Variants in RUNX2 observed in about 807,000 individuals in gnomAD.
RUNX2 encodes runt-related transcription factor 2.
Under a neutral mutation model 51.7 loss-of-function variants are expected in RUNX2, and 10 were observed. The ratio of observed to expected loss-of-function variants is 0.19; its 90% confidence interval spans 0.12 to 0.33. The LOEUF is 0.33. Among genes scored for constraint, RUNX2 ranks in the 10% least tolerant of loss-of-function variants. RUNX2 has a pLI of 1.00. For synonymous variants in RUNX2, 276 were observed against 273.6 expected (o/e 1.01, Z -0.09); for missense variants, 562 against 691.3 (o/e 0.81, Z 2.10).
At chr6:45,493,303 T>C (rs2150408381) in intron 6 of RUNX2, among the ~76,000 whole-genome samples, 1 of 152,272 alleles carries the variant, frequency 6.6e-6, no homozygotes, top group South Asian at 2.1e-4. Context: ...ACATTATTGC[T>C]CTTTGAAGAA....
In RUNX2 at chr6:45,393,290, AG is replaced by A. The variant is rs556008191; in HGVS notation, c.59-29301del. ...AGTCAAGTATGGTGTATTGGGTAAA[AG>A]GAACTGAGGTAGATAGGCCCTCACT... On this transcript the variant is annotated intron_variant, in intron 2 of 8. Coordinates refer to ENST00000647337, the MANE Select transcript of RUNX2 (RefSeq NM_001024630.4). Among the ~76,000 whole-genome samples, 35 of 152,296 alleles carry A rather than the reference AG, an allele frequency of 2.3e-4. No individual in the cohort carries two copies. In the East Asian group the frequency reaches 6.2e-3, roughly 27 times the overall value.
intron 5 of RUNX2, among the ~76,000 whole-genome samples, chr6:45,472,710 C>T (rs1799841355): frequency 6.6e-6 from 1 of 152,122 alleles, no homozygotes; most frequent in Admixed American, 6.5e-5. Flanking sequence ...CTCTGTCTCT[C>T]TCTTTTAAAG....
At chr6:45,406,228 A>T (rs989164319) in intron 2 of RUNX2, among the ~76,000 whole-genome samples, 1 of 151,878 alleles carries the variant, frequency 6.6e-6, no homozygotes, top group Non-Finnish European at 1.5e-5. Context: ...TACCCCTATG[A>T]TAAGGGAACT....
At chr6:45,532,281 G>A (rs927446768) in intron 7 of RUNX2, among the ~76,000 whole-genome samples, 1 of 145,884 alleles carries the variant, frequency 6.9e-6, no homozygotes, top group African/African-American at 2.5e-5. Context: ...AGTATTTCTA[G>A]TAGAATTTTT....
intron 2 of RUNX2, among the ~76,000 whole-genome samples, chr6:45,404,117 G>A (rs570130718): frequency 5.3e-5 from 8 of 151,816 alleles, no homozygotes; most frequent in South Asian, 2.1e-4. Context: ...AAAATTAGCC[G>A]GGTGCGGTGG....
chr6:45,503,696 A>AGC (rs1244320688), intron 6 of RUNX2, among the ~76,000 whole-genome samples: 1 of 152,214 alleles, frequency 6.6e-6, no homozygotes, highest in African/African-American at 2.4e-5. Context: ...CATGTGGTAT[A>AGC]GCCTCTTTCT....
At chr6:45,432,151 C>T in intron 4 of RUNX2, 132 bp downstream of exon 4, 1 of 882,708 alleles carries the variant, frequency 1.1e-6, no homozygotes, top group South Asian at 1.5e-5. Context: ...GATTTAAATA[C>T]ATCCAGATGA....
At chr6:45,524,644 C>A (rs567060321) in intron 7 of RUNX2, among the ~76,000 whole-genome samples, 1 of 151,862 alleles carries the variant, frequency 6.6e-6, no homozygotes, top group African/African-American at 2.4e-5. Flanking sequence ...ACAATAAATC[C>A]GTACATAATT....
chr6:45,362,756 C>T (rs1236098895), intron 2 of RUNX2, among the ~76,000 whole-genome samples: 4 of 152,134 alleles, frequency 2.6e-5, no homozygotes, highest in South Asian at 2.1e-4. Flanking sequence ...TTTTGCATTC[C>T]GAATTCAGCT....
chr6:45,378,388 C>G (rs528316126), intron 2 of RUNX2, among the ~76,000 whole-genome samples: 3 of 152,160 alleles, frequency 2.0e-5, no homozygotes, highest in Non-Finnish European at 2.9e-5. Context: ...TGAACGGGAT[C>G]TTAATGGGAT....
chr6:45,350,172 C>G lies in RUNX2; in HGVS notation c.58+21388C>G, dbSNP rs570697250. On this transcript the variant is annotated intron_variant, in intron 2 of 8. Coordinates refer to ENST00000647337, the MANE Select transcript of RUNX2 (RefSeq NM_001024630.4). ...TATTTCTAATACAATTAGAATGTAG[C>G]CCTGAGATTAAGGATTTTGTGTTTG... 2.0e-5 allele frequency among the ~76,000 whole-genome samples: 3 copies of G among 152,172 alleles called. No individual in the cohort carries two copies. The South Asian group carries it at 6.2e-4, about 32-fold the overall frequency.
intron 5 of RUNX2, among the ~76,000 whole-genome samples, chr6:45,477,262 C>G (rs755732004): frequency 2.6e-5 from 4 of 152,184 alleles, no homozygotes; most frequent in Non-Finnish European, 5.9e-5. Context: ...CTTTTAGACA[C>G]TTTTCTCCAC....
At chr6:45,437,680 T>C (rs1427493391) in intron 4 of RUNX2, among the ~76,000 whole-genome samples, 2 of 152,210 alleles carry the variant, frequency 1.3e-5, no homozygotes, top group Admixed American at 1.3e-4. Context: ...TCATTACAAC[T>C]GTTGCTACTG....
At chr6:45,529,491 T>G (rs549074268) in intron 7 of RUNX2, among the ~76,000 whole-genome samples, 42 of 152,202 alleles carry the variant, frequency 2.8e-4, no homozygotes, top group African/African-American at 1.0e-3. Flanking sequence ...ATGGGTTGGC[T>G]GTTTCTTTGG....
intron 2 of RUNX2, among the ~76,000 whole-genome samples, chr6:45,335,161 T>C (rs753307244): frequency 1.8e-4 from 28 of 151,378 alleles, no homozygotes; most frequent in Non-Finnish European, 3.4e-4. Context: ...AATTTTTCTA[T>C]GATAATTGCT....
chr6:45,478,835 A>G (rs528163849), intron 5 of RUNX2, among the ~76,000 whole-genome samples: 108 of 152,174 alleles, frequency 7.1e-4, no homozygotes, highest in Middle Eastern at 3.4e-3. Flanking sequence ...TCTCTTTCAT[A>G]CTGCATTTTG....
At chr6:45,458,049 C>T (rs192729055) in intron 5 of RUNX2, among the ~76,000 whole-genome samples, 280 of 119,216 alleles carry the variant, frequency 2.3e-3, no homozygotes, top group African/African-American at 0.01. Context: ...GACAGAGTTT[C>T]ACTCTTGTTG....
At chr6:45,409,184 A>G (rs575451636) in intron 2 of RUNX2, among the ~76,000 whole-genome samples, 1 of 152,326 alleles carries the variant, frequency 6.6e-6, no homozygotes, top group South Asian at 2.1e-4. Context: ...AACACCACCA[A>G]TATTGGAATG....
Position 45,422,963 on chromosome 6 carries a change from A to C in RUNX2, c.423+6A>C, listed in dbSNP as rs763944639. ...CCCTGCCCGTGGCCTTCAAGGTAAGAGGCTACACCGCCCCCCGCCCCCGGC... is the reference window on the plus strand; with the variant it reads ...CCCTGCCCGTGGCCTTCAAGGTAAGCGGCTACACCGCCCCCCGCCCCCGGC... On this transcript the variant is annotated splice_donor_region_variant and intron_variant, in intron 3 of 8. Coordinates refer to ENST00000647337, the MANE Select transcript of RUNX2 (RefSeq NM_001024630.4). 1.1e-5 allele frequency: 18 copies of C among 1,608,788 alleles called. No individual in the cohort carries two copies. Among genetic ancestry groups the C allele is most frequent in the Non-Finnish European group, 8.5e-7 (1 of 1,179,090 alleles).
Sources: gnomAD v4.1 joint callset for allele counts (sites outside exome capture counted in the v4.1 genomes callset) on GRCh38, gnomAD v4.1.1 for gene constraint, MANE v1.5 for transcripts, NCBI Gene and HGNC (gene_info 2026-07-23, HGNC 2026-07-21) for gene names.